PSMD5: variants seen among roughly 807,000 people sequenced by gnomAD.
PSMD5 encodes 26S proteasome non-ATPase regulatory subunit 5.
Under a neutral mutation model 52.1 loss-of-function variants are expected in PSMD5, and 40 were observed. The ratio of observed to expected loss-of-function variants is 0.77; its 90% CI spans 0.60 to 1.00. The LOEUF (loss-of-function observed/expected upper bound fraction) is 1.00, where lower values mean the gene tolerates loss of function less well. Ranked by LOEUF, PSMD5 falls within the 50% of genes least tolerant of loss-of-function variation. PSMD5 has a pLI of 0.00. For missense variants in PSMD5, 575 were observed against 605.2 expected, an observed-to-expected ratio of 0.95 and a Z score of 0.52; for synonymous variants, 211 against 226.6, an observed-to-expected ratio of 0.93 and a Z score of 0.62.
At position 120,824,562 on chromosome 9, in the gene PSMD5, C is replaced by A. The variant is rs757397524; in HGVS notation, c.938G>T (p.Gly313Val). The change falls in exon 7 of 10, where the codon GGT (glycine) becomes GTT (valine). Residue 313 changes from glycine to valine, a missense_variant. Coordinates refer to ENST00000210313, the MANE Select transcript of PSMD5 (RefSeq NM_005047.4). ...GATTCCAACTGTGTCTACAGCTACA[C>A]CAATCATAGTGGGGTCCTGACTTTC... ...MIESQDPTMIGVAVDTVGILG... is the reference protein window; with the variant it reads ...MIESQDPTMIVVAVDTVGILG... 3 of 1,614,076 alleles carry A rather than the reference C, an allele frequency of 1.9e-6. No individual in the cohort carries two copies. The highest frequency in any genetic ancestry group is 2.5e-6 in the Non-Finnish European group (3 of 1,180,048).
chr9:120,842,780 G>A lies in PSMD5; in HGVS notation c.130C>T (p.Leu44=), dbSNP rs1392615535. 1.2e-6 allele frequency: 2 copies of A among 1,612,900 alleles called. No homozygotes were observed. The highest frequency in any genetic ancestry group is 2.2e-5 in the East Asian group (1 of 44,886). Residue 44 remains leucine (L), a synonymous_variant, in exon 1 of 10, where the codon CTG becomes TTG. Transcript: ENST00000210313. Reference sequence around the variant, plus strand: ...AGGGAGAAGAGCGGGCCGAGGCGCAGCTCCGCCGCTTGCTGGCGAAGCTCG... The same window carrying A: ...AGGGAGAAGAGCGGGCCGAGGCGCAACTCCGCCGCTTGCTGGCGAAGCTCG... ...LNELRQQAAE[L]RLGPLFSLLN... is the part of the protein sequence containing the mutation.
intron 2 of PSMD5, 111 bp from the exon 3 acceptor site, chr9:120,832,056 C>A: frequency 6.9e-7 from 1 of 1,450,854 alleles, no homozygotes; most frequent in African/African-American, 1.4e-5. Context: ...GTGATCACAG[C>A]TATATATCAA....
Position 120,824,517 on chromosome 9 carries a change from C to CGAAA in PSMD5, c.982_983insTTTC (p.Gly328ValfsTer14). On this transcript the variant is annotated frameshift_variant, in exon 7 of 10. Coordinates refer to ENST00000210313, the MANE Select transcript of PSMD5 (RefSeq NM_005047.4). LOFTEE classifies it high-confidence loss of function. ...ACCTGTTTTCTGTAAAACCTGTTTT[C>CGAAA]CTTCAACATTGGATCCCAAGATTCC... The CGAAA allele has an allele frequency of 6.2e-7, 1 of 1,614,126 alleles. No homozygotes were observed. The highest frequency in any genetic ancestry group is 8.5e-7 in the Non-Finnish European group (1 of 1,180,034).
At chr9:120,827,099 T>C (rs994879599) in intron 5 of PSMD5, among the ~76,000 whole-genome samples, 192 bp from the exon 6 acceptor site, 1 of 152,230 alleles carries the variant, frequency 6.6e-6, no homozygotes, top group Non-Finnish European at 1.5e-5. Context: ...CATATTGTTA[T>C]TATAGGCAGA....
At chr9:120,820,473 C>T in intron 9 of PSMD5, among the ~76,000 whole-genome samples, 1 of 152,102 alleles carries the variant, frequency 6.6e-6, no homozygotes, top group East Asian at 1.9e-4. Flanking sequence ...AGCAAAGGTC[C>T]AGAGACACAA....
At chr9:120,826,659 A>G (rs1480618493) in intron 6 of PSMD5, 106 bp downstream of exon 6, 2 of 1,352,744 alleles carry the variant, frequency 1.5e-6, no homozygotes, top group African/African-American at 1.5e-5. Flanking sequence ...AATCAGCTCT[A>G]AAGGAAAACA....
intron 2 of PSMD5, among the ~76,000 whole-genome samples, chr9:120,832,724 G>A (rs1564477268): frequency 1.3e-5 from 2 of 152,178 alleles, no homozygotes; most frequent in Admixed American, 6.5e-5. Context: ...ACACAGAAAA[G>A]GAAAAACAGT....
chr9:120,828,705 C>G, intron 5 of PSMD5, among the ~76,000 whole-genome samples: 1 of 151,952 alleles, frequency 6.6e-6, no homozygotes, highest in Non-Finnish European at 1.5e-5. Flanking sequence ...GGATTACAGG[C>G]GTGAGCCACC....
intron 1 of PSMD5, among the ~76,000 whole-genome samples, chr9:120,840,721 G>A (rs749533733): frequency 1.7e-4 from 26 of 150,480 alleles, no homozygotes; most frequent in Non-Finnish European, 3.4e-4. Context: ...CCAGGTTCAA[G>A]AGATTCTCCT....
chr9:120,841,439 C>T (rs1398467712), intron 1 of PSMD5, among the ~76,000 whole-genome samples: 3 of 151,924 alleles, frequency 2.0e-5, no homozygotes, highest in Non-Finnish European at 2.9e-5. Flanking sequence ...ATTAGCCGGG[C>T]GTGGTGGCGG....
Position 120,842,920 on chromosome 9 carries a change from G to C in PSMD5, c.-11C>G. The C allele has an allele frequency of 1.3e-6, 2 of 1,569,484 alleles. No homozygotes were observed. The highest frequency in any genetic ancestry group is 8.6e-7 in the Non-Finnish European group (1 of 1,164,018). ...AGCCTGGGCTGCCATCTTGCCCCCC[G>C]ACGCAGGGGCTGGCCCAGCGGCCCA... On this transcript the variant is annotated 5_prime_UTR_variant, in exon 1 of 10. Coordinates refer to ENST00000210313, the MANE Select transcript of PSMD5 (RefSeq NM_005047.4).
rs1229619649 is a variant in PSMD5 at position 120,826,816 on chromosome 9, T to C, written c.763A>G (p.Asn255Asp). 3 of 1,613,834 alleles carry C rather than the reference T, an allele frequency of 1.9e-6. No individual in the cohort carries two copies. In the South Asian group the frequency reaches 3.3e-5, roughly 18 times the overall value. The change falls in exon 6 of 10, where the codon AAT becomes GAT. Residue 255 changes from asparagine to aspartate, a missense_variant. Asn to Asp is a conservative substitution (Grantham distance 23). Coordinates refer to ENST00000210313, the MANE Select transcript of PSMD5 (RefSeq NM_005047.4). Reference sequence around the variant, plus strand: ...TCTGAATCTGCCCCAACAATTATATTAGAAATTTGGTCAATTACTCCTTCT... The same window carrying C: ...TCTGAATCTGCCCCAACAATTATATCAGAAATTTGGTCAATTACTCCTTCT... ...AQEGVIDQISNIIVGADSDPF... is the reference protein window; with the variant it reads ...AQEGVIDQISDIIVGADSDPF...
intron 9 of PSMD5, 54 bp downstream of exon 9, chr9:120,820,785 C>T (rs1291587235): frequency 6.7e-7 from 1 of 1,500,290 alleles, no homozygotes; most frequent in East Asian, 2.4e-5. Flanking sequence ...CTGTTAAGTA[C>T]TCAAGTGTTG....
intron 3 of PSMD5, 184 bp from the exon 4 acceptor site, chr9:120,831,643 A>G: frequency 9.1e-7 from 1 of 1,095,902 alleles, no homozygotes; most frequent in Non-Finnish European, 1.3e-6. Context: ...TGTATATCCT[A>G]GAAAATGAAA....
At chr9:120,837,689 G>T (rs918766175) in intron 1 of PSMD5, among the ~76,000 whole-genome samples, 5 of 152,132 alleles carry the variant, frequency 3.3e-5, no homozygotes, top group African/African-American at 1.2e-4. Context: ...AAAACAGTTT[G>T]CCAGTTGCTT....
At chr9:120,837,225 T>C (rs1009508412) in intron 1 of PSMD5, among the ~76,000 whole-genome samples, 2 of 152,182 alleles carry the variant, frequency 1.3e-5, no homozygotes, top group African/African-American at 4.8e-5. Flanking sequence ...GGTTTCACCA[T>C]GTTGGTCAGG....
intron 1 of PSMD5, among the ~76,000 whole-genome samples, chr9:120,838,259 A>G (rs1207171848): frequency 3.3e-5 from 5 of 152,246 alleles, no homozygotes; most frequent in African/African-American, 1.2e-4. Flanking sequence ...AGTGCAGTTC[A>G]TTGTATATAA....
At chr9:120,836,844 ACTTTT>A (rs1017106845) in intron 1 of PSMD5, among the ~76,000 whole-genome samples, 18 of 150,888 alleles carry the variant, frequency 1.2e-4, no homozygotes, top group Admixed American at 3.3e-4. Context: ...TCCATTTGTG[ACTTTT>A]CTTTTCATTC....
At chr9:120,833,220 G>T in intron 2 of PSMD5, 92 bp downstream of exon 2, 1 of 1,393,960 alleles carries the variant, frequency 7.2e-7, no homozygotes, top group Non-Finnish European at 9.9e-7. Flanking sequence ...GAAGGAGAGA[G>T]AGAAATACTG....
Sources: gnomAD v4.1 joint callset for allele counts (sites outside exome capture counted in the v4.1 genomes callset) on GRCh38, gnomAD v4.1.1 for gene constraint, MANE v1.5 for transcripts, NCBI Gene and HGNC (gene_info 2026-07-23, HGNC 2026-07-21) for gene names.